WDFY4: variants seen among roughly 807,000 people sequenced by gnomAD.
WDFY4 encodes the protein WD repeat- and FYVE domain-containing protein 4.
In WDFY4, 169 loss-of-function variants were observed where a neutral mutation model predicts 351.9. That is an observed-to-expected ratio of 0.48 (90% CI 0.42 to 0.55). The LOEUF (loss-of-function observed/expected upper bound fraction) is 0.55, where lower values mean the gene tolerates loss of function less well. WDFY4 is among the 20% of genes least tolerant of loss of function. WDFY4 has a pLI of 0.00. For missense variants in WDFY4, 3,803 were observed against 3,935.6 expected, an observed-to-expected ratio of 0.97 and a Z score of 0.90; for synonymous variants, 1,622 against 1,574.6, an observed-to-expected ratio of 1.03 and a Z score of -0.71.
intron 59 of WDFY4, 48 bp from the exon 60 acceptor site, chr10:48,978,261 C>G: frequency 1.3e-6 from 2 of 1,534,744 alleles, no homozygotes; most frequent in Non-Finnish European, 1.8e-6. Context: ...TCCAAGCTTG[C>G]AGACAGGATC....
chr10:48,719,819 G>C (rs1383649657), intron 2 of WDFY4, among the ~76,000 whole-genome samples, 192 bp from the exon 3 acceptor site: 1 of 152,218 alleles, frequency 6.6e-6, no homozygotes, highest in Non-Finnish European at 1.5e-5. Context: ...TGAGCAGTTA[G>C]AGAATCTGGA....
At chr10:48,845,220 C>G (rs1276894283) in intron 39 of WDFY4, among the ~76,000 whole-genome samples, 1 of 152,148 alleles carries the variant, frequency 6.6e-6, no homozygotes, top group Non-Finnish European at 1.5e-5. Flanking sequence ...GGAAAGTTGT[C>G]TATAACTCTA....
chr10:48,834,906 A>G (rs877819), intron 39 of WDFY4, among the ~76,000 whole-genome samples: 68,141 of 152,090 alleles, frequency 0.45, 16,255 homozygotes, highest in East Asian at 0.83. Context: ...TGAGTAGACC[A>G]CCATGTTTAG....
chr10:48,714,076 T>C (rs2063834107), intron 2 of WDFY4, among the ~76,000 whole-genome samples: 1 of 152,226 alleles, frequency 6.6e-6, no homozygotes. Context: ...ATGTAGGTAG[T>C]ATTTTTATCC....
At chr10:48,812,343 C>T (rs2067483686) in intron 30 of WDFY4, among the ~76,000 whole-genome samples, 1 of 152,108 alleles carries the variant, frequency 6.6e-6, no homozygotes, top group African/African-American at 2.4e-5. Flanking sequence ...GTATCCACCA[C>T]CATGCCTGGT....
intron 47 of WDFY4, 35 bp downstream of exon 47, chr10:48,901,898 A>C (rs1476465602): frequency 6.5e-7 from 1 of 1,535,634 alleles, no homozygotes; most frequent in Admixed American, 2.0e-5. Context: ...TGGGCATGGC[A>C]CTGCCCTGGC....
chr10:48,692,394 A>G (rs1447047486), intron 1 of WDFY4, among the ~76,000 whole-genome samples: 1 of 152,176 alleles, frequency 6.6e-6, no homozygotes, highest in African/African-American at 2.4e-5. Flanking sequence ...GATCCTCACA[A>G]TCACCACCCT....
intron 2 of WDFY4, among the ~76,000 whole-genome samples, chr10:48,719,673 C>A (rs747887597): frequency 1.7e-4 from 26 of 152,340 alleles, no homozygotes; most frequent in Non-Finnish European, 1.6e-4. Context: ...TGGAGAGGCA[C>A]TCCTGGTGCT....
intron 1 of WDFY4, among the ~76,000 whole-genome samples, chr10:48,697,422 C>T (rs1370940349): frequency 6.6e-6 from 1 of 152,212 alleles, no homozygotes. Context: ...CCAACACTTA[C>T]ACATGGCGCC....
At chr10:48,803,428 G>A (rs970404296) in intron 25 of WDFY4, 69 bp downstream of exon 25, 11 of 1,466,978 alleles carry the variant, frequency 7.5e-6, no homozygotes, top group African/African-American at 2.8e-5. Flanking sequence ...GACAGGGCAG[G>A]GTGGCCAGTG....
rs1347652375 is a variant in WDFY4, at chr10:48,966,554, C to A, written c.8465C>A (p.Thr2822Asn). The A allele has an allele frequency of 1.3e-6, 2 of 1,552,176 alleles. No homozygotes were observed. ...QLFTKPHPAR[T>N]AAGKPLPGKD... ...TTTACCAAACCTCACCCAGCCAGGA[C>A]TGCAGCAGGGAAGCCTCTGCCTGGA... Residue 2822 changes from threonine to asparagine, a missense_variant, in exon 55 of 62, where the codon ACT becomes AAT. Thr to Asn is a moderately conservative substitution (Grantham distance 65). Transcript: ENST00000325239.
chr10:48,943,050 G>T (rs1460349259), intron 48 of WDFY4, among the ~76,000 whole-genome samples: 1 of 151,748 alleles, frequency 6.6e-6, no homozygotes. Flanking sequence ...GCATCCAACA[G>T]TTAACACAAA....
At chr10:48,882,404 T>C (rs1448355681) in intron 43 of WDFY4, among the ~76,000 whole-genome samples, 1 of 152,204 alleles carries the variant, frequency 6.6e-6, no homozygotes, top group Non-Finnish European at 1.5e-5. Flanking sequence ...TGTCAACAGC[T>C]AGATGTCAGA....
chr10:48,850,829 T>C (rs1189502838), intron 39 of WDFY4, among the ~76,000 whole-genome samples: 1 of 152,218 alleles, frequency 6.6e-6, no homozygotes, highest in Non-Finnish European at 1.5e-5. Context: ...CATCTCTCCC[T>C]GGCCTCACCA....
chr10:48,710,938 G>A (rs1399815071), intron 2 of WDFY4, among the ~76,000 whole-genome samples: 1 of 152,208 alleles, frequency 6.6e-6, no homozygotes, highest in Non-Finnish European at 1.5e-5. Flanking sequence ...AGCATTGAAA[G>A]CACTTTTTAT....
At chr10:48,914,769 A>G (rs913669209) in intron 47 of WDFY4, among the ~76,000 whole-genome samples, 16 of 152,138 alleles carry the variant, frequency 1.1e-4, no homozygotes, top group African/African-American at 3.6e-4. Flanking sequence ...CTACAGTCCA[A>G]CAGTAGCCAT....
At chr10:48,779,728 G>A (rs1404253928) in intron 18 of WDFY4, among the ~76,000 whole-genome samples, 1 of 152,210 alleles carries the variant, frequency 6.6e-6, no homozygotes, top group African/African-American at 2.4e-5. Context: ...GACATGAGTT[G>A]ATATTTGTAA....
intron 5 of WDFY4, 32 bp downstream of exon 5, chr10:48,723,599 G>T: frequency 1.3e-6 from 2 of 1,550,840 alleles, no homozygotes; most frequent in Non-Finnish European, 1.7e-6. Flanking sequence ...AATTCCCTGG[G>T]TCAAAACCTC....
Position 48,720,134 on chromosome 10 carries a change from A to C in WDFY4, c.349+9A>C, listed in dbSNP as rs1243411130. The C allele has an allele frequency of 1.3e-6, 2 of 1,551,348 alleles. No homozygotes were observed. Among genetic ancestry groups the C allele is most frequent in the East Asian group, 2.4e-5 (1 of 40,912 alleles). ...TGTGGGGAAGCCTGCGGGTAAGAGC[A>C]TGGAGGTGCTGGCAGACCCTCTACA... On this transcript the variant is annotated intron_variant, in intron 3 of 61. Transcript: ENST00000325239.
Sources: gnomAD v4.1 joint callset for allele counts (sites outside exome capture counted in the v4.1 genomes callset) on GRCh38, gnomAD v4.1.1 for gene constraint, MANE v1.5 for transcripts, NCBI Gene and HGNC (gene_info 2026-07-23, HGNC 2026-07-21) for gene names.